The following NPR3 variants were observed in gnomAD, a reference collection of about 807,000 sequenced individuals.
NPR3 encodes the protein natriuretic peptide receptor 3, also known as atrial natriuretic peptide receptor 3.
A neutral mutation model predicts 54.5 loss-of-function variants in NPR3; 34 were observed. The observed-to-expected ratio is 0.62, with a 90% CI of 0.47 to 0.83. NPR3 has a LOEUF of 0.83. Ranked by LOEUF, NPR3 falls within the 40% of genes least tolerant of loss-of-function variation. The pLI is 0.00. For missense variants in NPR3, 674 were observed against 720.8 expected, an observed-to-expected ratio of 0.94 and a Z score of 0.74; for synonymous variants, 289 against 297.1, an observed-to-expected ratio of 0.97 and a Z score of 0.28.
At chr5:32,750,210 C>A (rs111348241) in intron 3 of NPR3, among the ~76,000 whole-genome samples, 10 of 152,212 alleles carry the variant, frequency 6.6e-5, no homozygotes, top group African/African-American at 1.9e-4. Context: ...CTCACTGCAA[C>A]CTCCGCTTCC....
chr5:32,731,963 C>T (rs914963104), intron 2 of NPR3, among the ~76,000 whole-genome samples: 32 of 152,166 alleles, frequency 2.1e-4, no homozygotes, highest in Admixed American at 1.4e-3. Context: ...CATTCTCGGC[C>T]GGGCGCGGTG....
At chr5:32,785,808 T>A (rs1742587120) in intron 7 of NPR3, among the ~76,000 whole-genome samples, 1 of 152,248 alleles carries the variant, frequency 6.6e-6, no homozygotes, top group Non-Finnish European at 1.5e-5. Context: ...TATTCATAAG[T>A]CATTAGAGCA....
At chr5:32,710,747 C>A, upstream of NPR3, 2 of 1,547,662 alleles carry the variant, frequency 1.3e-6, no homozygotes, top group East Asian at 2.5e-5. Context: ...CGCCCCGCGT[C>A]GGTGCTTCAG....
chr5:32,718,984 T>C (rs1430798605), intron 1 of NPR3, among the ~76,000 whole-genome samples: 1 of 152,214 alleles, frequency 6.6e-6, no homozygotes. Flanking sequence ...CTATTGGCTA[T>C]GGGTTTGTCA....
intron 3 of NPR3, among the ~76,000 whole-genome samples, chr5:32,774,352 G>A (rs1741924813): frequency 6.6e-6 from 1 of 152,174 alleles, no homozygotes; most frequent in Admixed American, 6.5e-5. Flanking sequence ...ACCTCAAGGG[G>A]GAAGCTGAAT....
chr5:32,743,912 G>A (rs542153320), intron 3 of NPR3, among the ~76,000 whole-genome samples: 13 of 151,460 alleles, frequency 8.6e-5, no homozygotes, highest in Non-Finnish European at 1.9e-4. Context: ...CTATTCCTAT[G>A]GGTACTATAA....
At chr5:32,749,576 G>A (rs1740471977) in intron 3 of NPR3, among the ~76,000 whole-genome samples, 1 of 152,148 alleles carries the variant, frequency 6.6e-6, no homozygotes. Flanking sequence ...TCCCAAATAT[G>A]AATATCTGGA....
chr5:32,754,207 T>C (rs1277929972), intron 3 of NPR3, among the ~76,000 whole-genome samples: 4 of 152,318 alleles, frequency 2.6e-5, no homozygotes, highest in African/African-American at 9.6e-5. Context: ...AGGTAGTGGT[T>C]CAATAAATAT....
At chr5:32,751,135 T>A (rs1431660058) in intron 3 of NPR3, among the ~76,000 whole-genome samples, 2 of 150,306 alleles carry the variant, frequency 1.3e-5, no homozygotes, top group Non-Finnish European at 3.0e-5. Flanking sequence ...AATTTTAAGG[T>A]AAAAACAGGG....
intron 3 of NPR3, among the ~76,000 whole-genome samples, chr5:32,754,939 C>T (rs980877038): frequency 6.6e-6 from 1 of 152,252 alleles, no homozygotes; most frequent in Admixed American, 6.5e-5. Context: ...CCGCCCACTG[C>T]AAGCTCCGCT....
At position 32,769,444 on chromosome 5, in the gene NPR3, C is replaced by G. The variant is rs557294846; in HGVS notation, c.1060-5264C>G. ...AGCCATTGTTCACTATGATGAGGGA[C>G]AAGCCTATGATGGGCCCATCTCTTC... On this transcript the variant is annotated intron_variant, in intron 3 of 7. Coordinates refer to ENST00000265074, the MANE Select transcript of NPR3 (RefSeq NM_001204375.2). 2.0e-5 allele frequency among the ~76,000 whole-genome samples: 3 copies of G among 152,282 alleles called. No individual in the cohort carries two copies. The East Asian group carries it at 5.8e-4, about 29-fold the overall frequency.
Position 32,780,722 on chromosome 5 carries a change from G to T in NPR3, c.1196G>T (p.Gly399Val). The change falls in exon 5 of 8, where the codon GGT becomes GTT. Residue 399 changes from glycine to valine, a missense_variant and splice_region_variant. Transcript: ENST00000265074. Reference protein sequence around the residue: ...IQQTWNRTFEGIAGQVSIDAN... With the variant: ...IQQTWNRTFEVIAGQVSIDAN... ...GAGTTCTTCGCTTCTGGTCCTGTAG[G>T]TATCGCCGGGCAGGTGTCCATAGAT... 7.0e-7 allele frequency: 1 copy of T among 1,438,326 alleles called. No individual in the cohort carries two copies. The highest frequency in any genetic ancestry group is 9.8e-7 in the Non-Finnish European group (1 of 1,019,678). 89.1% of individuals were successfully genotyped at this position (1,438,326 alleles called of 1,614,324 possible).
intron 1 of NPR3, among the ~76,000 whole-genome samples, chr5:32,700,601 G>A (rs1740643291): frequency 6.6e-6 from 1 of 151,070 alleles, no homozygotes; most frequent in Admixed American, 6.6e-5. Flanking sequence ...CTGTGTCCAT[G>A]TGTTCTCATT....
chr5:32,711,379 A>T lies in NPR3; in HGVS notation c.-398A>T, dbSNP rs1738213051. On this transcript the variant is annotated 5_prime_UTR_variant, in exon 1 of 8. Transcript: ENST00000265074. ...TGCACCGTCAATTACAAACACTTGGACAAGTCTAACTTTTTTTTTCTTCTA... is the reference window on the plus strand; with the variant it reads ...TGCACCGTCAATTACAAACACTTGGTCAAGTCTAACTTTTTTTTTCTTCTA... 3.0e-6 allele frequency: 3 copies of T among 998,154 alleles called. No individual in the cohort carries two copies. The South Asian group carries it at 1.4e-4, about 47-fold the overall frequency. The allele number at this position is 998,154 out of a possible 1,614,324, so 61.8% of individuals were successfully genotyped here.
At chr5:32,710,914 G>GTGTGTGTA (rs1738186467), upstream of NPR3, 1 of 864,890 alleles carries the variant, frequency 1.2e-6, no homozygotes, top group Non-Finnish European at 1.6e-6. Context: ...GTGTGTGTGT[G>GTGTGTGTA]TGTATGTGTG....
At chr5:32,699,577 G>A (rs1487494920) in intron 1 of NPR3, among the ~76,000 whole-genome samples, 1 of 152,058 alleles carries the variant, frequency 6.6e-6, no homozygotes, top group African/African-American at 2.4e-5. Flanking sequence ...GAAAAACTCT[G>A]CACTTTAACT....
At chr5:32,693,152 T>C (rs1740442235) in intron 1 of NPR3, among the ~76,000 whole-genome samples, 1 of 152,170 alleles carries the variant, frequency 6.6e-6, no homozygotes, top group Non-Finnish European at 1.5e-5. Flanking sequence ...ATCTCTTATA[T>C]TGTTTGTATA....
chr5:32,698,237 T>G (rs559510508), intron 1 of NPR3, among the ~76,000 whole-genome samples: 3 of 152,266 alleles, frequency 2.0e-5, no homozygotes, highest in African/African-American at 7.2e-5. Flanking sequence ...CTTAATTTCT[T>G]CATTAACCCA....
upstream of NPR3, chr5:32,709,742 A>C (rs1014511951): frequency 1.1e-4 from 17 of 152,200 alleles, no homozygotes; most frequent in African/African-American, 4.1e-4. Context: ...AGTGCTGTTA[A>C]GGGAGGCGAG....
Sources: gnomAD v4.1 joint callset for allele counts (sites outside exome capture counted in the v4.1 genomes callset) on GRCh38, gnomAD v4.1.1 for gene constraint, MANE v1.5 for transcripts, NCBI Gene and HGNC (gene_info 2026-07-23, HGNC 2026-07-21) for gene names.